SOX6: variants seen among roughly 807,000 people sequenced by gnomAD.
SOX6 encodes transcription factor SOX-6.
Under a neutral mutation model 97.8 loss-of-function variants are expected in SOX6, and 11 were observed. The observed-to-expected ratio is 0.11, with a 90% CI of 0.07 to 0.19. The LOEUF (loss-of-function observed/expected upper bound fraction) is 0.19, where lower values mean the gene tolerates loss of function less well. Among genes scored for constraint, SOX6 ranks in the 10% least tolerant of loss-of-function variants. The probability of loss-of-function intolerance (pLI) is 1.00; values close to 1 mark genes in which losing one functional copy is unlikely to be tolerated. For synonymous variants in SOX6, 360 were observed against 371.4 expected, an observed-to-expected ratio of 0.97 and a Z score of 0.35; for missense variants, 810 against 1,039.5, an observed-to-expected ratio of 0.78 and a Z score of 3.04.
At chr11:16,433,724 T>C (rs1371770840) in intron 1 of SOX6, among the ~76,000 whole-genome samples, 1 of 152,140 alleles carries the variant, frequency 6.6e-6, no homozygotes, top group Non-Finnish European at 1.5e-5. Context: ...ATGCTGACTA[T>C]TCCCTACTTG....
At chr11:16,401,880 G>A (rs1253473210) in intron 1 of SOX6, among the ~76,000 whole-genome samples, 1 of 151,474 alleles carries the variant, frequency 6.6e-6, no homozygotes, top group Non-Finnish European at 1.5e-5. Context: ...TGGGACTATA[G>A]AGAAGAATAA....
chr11:16,536,797 G>A (rs1442446951), intron 4 of SOX6, among the ~76,000 whole-genome samples: 1 of 152,242 alleles, frequency 6.6e-6, no homozygotes, highest in African/African-American at 2.4e-5. Flanking sequence ...AAAGCAGACA[G>A]AAAGCTCAAA....
intron 4 of SOX6, among the ~76,000 whole-genome samples, chr11:16,488,601 G>A (rs1050228049): frequency 6.6e-6 from 1 of 152,120 alleles, no homozygotes; most frequent in African/African-American, 2.4e-5. Flanking sequence ...AGACCCTACA[G>A]TTGTGACTTT....
At chr11:16,028,332 C>A (rs1396841799) in intron 12 of SOX6, among the ~76,000 whole-genome samples, 1 of 152,164 alleles carries the variant, frequency 6.6e-6, no homozygotes, top group Non-Finnish European at 1.5e-5. Context: ...TTGAAGATTA[C>A]ATAAGCATAT....
In SOX6 at chr11:16,245,888, C is replaced by A. The variant is rs570483327; in HGVS notation, c.446-11217G>T. Among the ~76,000 whole-genome samples the A allele has an allele frequency of 4.6e-5, 7 of 151,358 alleles. No individual in the cohort carries two copies. In the East Asian group the frequency reaches 1.4e-3, roughly 30 times the overall value. On this transcript the variant is annotated intron_variant, in intron 3 of 15. Transcript: ENST00000683767. ...TTTTTTGTTAATCCAATCTGATAAT[C>A]TCTGCCTTTTAAAAATTAGTATAAT...
chr11:16,564,940 A>T (rs1436330392), intron 4 of SOX6, among the ~76,000 whole-genome samples: 1 of 151,978 alleles, frequency 6.6e-6, no homozygotes, highest in African/African-American at 2.4e-5. Context: ...CAAAGCAAGC[A>T]GAAGGAAGAA....
intron 3 of SOX6, among the ~76,000 whole-genome samples, chr11:16,240,770 A>C (rs1490840767): frequency 6.6e-6 from 1 of 152,052 alleles, no homozygotes; most frequent in South Asian, 2.1e-4. Flanking sequence ...ATGATCATAA[A>C]GACCAATACC....
chr11:16,703,088 G>C (rs1322681651), intron 3 of SOX6, among the ~76,000 whole-genome samples: 1 of 151,754 alleles, frequency 6.6e-6, no homozygotes, highest in Non-Finnish European at 1.5e-5. Flanking sequence ...CATTTAAAAT[G>C]TATCTTATAT....
chr11:16,104,309 T>G (rs909588383), intron 7 of SOX6, among the ~76,000 whole-genome samples: 4 of 152,016 alleles, frequency 2.6e-5, no homozygotes, highest in Non-Finnish European at 5.9e-5. Context: ...CTTTACAAGA[T>G]GTCATTTGCA....
At chr11:16,575,314 C>T (rs1046347147) in intron 4 of SOX6, among the ~76,000 whole-genome samples, 1 of 152,080 alleles carries the variant, frequency 6.6e-6, no homozygotes, top group African/African-American at 2.4e-5. Context: ...TAAATAAACA[C>T]TTTTTGAAAA....
Position 16,607,775 on chromosome 11 carries a change from T to A in SOX6, n.609+4306A>T, listed in dbSNP as rs1848352408. 1.3e-5 allele frequency: 2 copies of A among 152,420 alleles called. No individual in the cohort carries two copies. The highest frequency in any genetic ancestry group is 4.1e-4 in the South Asian group (2 of 4,840). 9.4% of individuals were successfully genotyped at this position (152,420 alleles called of 1,614,324 possible). ...ATCAGAAAGTGAGTGGCCAGGGCAT[T>A]GATCTGAGCGAGGGAGAGGAGGCTG... is the stretch of plus-strand genomic sequence containing the variant. On this transcript the variant is annotated intron_variant and non_coding_transcript_variant, in intron 4 of 5. Coordinates refer to the SOX6 transcript ENST00000524520. This position sits in a 1 kb window ranked among gnomAD's most constrained non-coding sequence, Gnocchi z 6.5.
intron 3 of SOX6, among the ~76,000 whole-genome samples, chr11:16,309,920 T>G (rs1855548473): frequency 6.6e-6 from 1 of 152,078 alleles, no homozygotes; most frequent in African/African-American, 2.4e-5. Context: ...GACTATAACT[T>G]ATTTCATAAA....
chr11:16,114,967 G>A (rs139637473), intron 6 of SOX6, among the ~76,000 whole-genome samples: 6 of 152,120 alleles, frequency 3.9e-5, no homozygotes, highest in South Asian at 2.1e-4. Context: ...CCAAACTCTC[G>A]GGTTCATTTT....
chr11:16,255,456 G>A (rs1853654465), intron 3 of SOX6, among the ~76,000 whole-genome samples: 1 of 151,994 alleles, frequency 6.6e-6, no homozygotes. Flanking sequence ...ATGATAGCTG[G>A]AATAACCCAA....
At chr11:16,136,514 T>C (rs541281702) in intron 6 of SOX6, among the ~76,000 whole-genome samples, 1 of 151,762 alleles carries the variant, frequency 6.6e-6, no homozygotes, top group African/African-American at 2.4e-5. Context: ...TATCTTCATG[T>C]CTCAACCTCC....
chr11:16,066,450 C>T (rs1423003601), intron 9 of SOX6, among the ~76,000 whole-genome samples: 1 of 152,170 alleles, frequency 6.6e-6, no homozygotes, highest in Non-Finnish European at 1.5e-5. Flanking sequence ...ATATCCGCAT[C>T]CCCATGTTTA....
intron 4 of SOX6, among the ~76,000 whole-genome samples, chr11:16,195,907 G>A (rs1168059460): frequency 6.6e-6 from 1 of 152,178 alleles, no homozygotes; most frequent in African/African-American, 2.4e-5. Context: ...TCAGGTTCTA[G>A]CCAAGAGAAA....
chr11:16,340,857 C>T (rs973070569), intron 2 of SOX6, among the ~76,000 whole-genome samples, 155 bp downstream of exon 2: 8 of 151,918 alleles, frequency 5.3e-5, no homozygotes, highest in African/African-American at 9.7e-5. Flanking sequence ...CAAGTTTTTC[C>T]AGTTATTAGT....
upstream of SOX6, among the ~76,000 whole-genome samples, chr11:16,477,317 T>G (rs537899676): frequency 6.6e-6 from 1 of 152,324 alleles, no homozygotes; most frequent in East Asian, 1.9e-4. Context: ...CTAGGTTAGT[T>G]ACAGCTAACT....
Sources: allele counts gnomAD v4.1 joint callset (sites outside exome capture counted in the v4.1 genomes callset), GRCh38; gene constraint gnomAD v4.1.1; non-coding constraint Gnocchi (gnomAD v3.1); transcripts MANE v1.5; gene names NCBI Gene and HGNC (gene_info 2026-07-23, HGNC 2026-07-21).